The following SETMAR variants were observed in gnomAD, a reference collection of about 807,000 sequenced individuals.
SETMAR encodes histone-lysine N-methyltransferase SETMAR.
In SETMAR, 44 loss-of-function variants were observed where a neutral mutation model predicts 58.4. That is an observed-to-expected ratio of 0.75 (90% CI 0.59 to 0.97). The LOEUF (loss-of-function observed/expected upper bound fraction) is 0.97, where lower values mean the gene tolerates loss of function less well. Ranked by LOEUF, SETMAR falls within the 50% of genes least tolerant of loss-of-function variation. The pLI, the probability that SETMAR is intolerant of heterozygous loss-of-function variation, is 0.00. For missense variants in SETMAR, 903 were observed against 840.2 expected (o/e 1.07, Z -0.92); for synonymous variants, 332 against 307.4 (o/e 1.08, Z -0.84).
chr3:4,315,955 G>A (rs948033245), intron 2 of SETMAR, among the ~76,000 whole-genome samples: 4 of 149,322 alleles, frequency 2.7e-5, no homozygotes, highest in South Asian at 2.1e-4. Context: ...GCTGAGGTAC[G>A]AGAATCACTT....
rs758059201 is a variant in SETMAR, at chr3:4,312,958, C to A, written c.217C>A (p.Pro73Thr). The change falls in exon 2 of 3, where the codon CCC (proline) becomes ACC (threonine). Residue 73 changes from proline (P) to threonine (T), a missense_variant. By Grantham distance (38) the Pro-to-Thr change is conservative. Coordinates refer to ENST00000358065, the MANE Select transcript of SETMAR (RefSeq NM_006515.4). ...ADIDPTQITF[P>T]GCICVKTPCL... Reference sequence around the variant, plus strand: ...CATTGATCCCACTCAAATAACCTTTCCCGGATGCATTTGTGTCAAAACTCC... The same window carrying A: ...CATTGATCCCACTCAAATAACCTTTACCGGATGCATTTGTGTCAAAACTCC... The A allele has an allele frequency of 7.4e-6, 12 of 1,613,842 alleles. No homozygotes were observed. The African/African-American group carries it at 9.3e-5, about 13-fold the overall frequency.
At chr3:4,307,337 GA>G (rs1455979353) in intron 1 of SETMAR, among the ~76,000 whole-genome samples, 1 of 152,092 alleles carries the variant, frequency 6.6e-6, no homozygotes, top group Non-Finnish European at 1.5e-5. Flanking sequence ...CTATGGATAG[GA>G]ACCCCACCCC....
Position 4,310,219 on chromosome 3 carries a change from G to A in SETMAR, c.157-2679G>A, listed in dbSNP as rs1219807411. On this transcript the variant is annotated intron_variant, in intron 1 of 2. Transcript: ENST00000358065. ...TACTCGAAGTTTAACCGCGTGGCATGTAAATATTTGAATAGAATGTTAGGA... is the reference window on the plus strand; with the variant it reads ...TACTCGAAGTTTAACCGCGTGGCATATAAATATTTGAATAGAATGTTAGGA... 2.0e-5 allele frequency among the ~76,000 whole-genome samples: 3 copies of A among 152,266 alleles called. No individual in the cohort carries two copies. The East Asian group carries it at 5.8e-4, about 29-fold the overall frequency.
intron 1 of SETMAR, among the ~76,000 whole-genome samples, chr3:4,304,447 G>T (rs907938492): frequency 6.6e-6 from 1 of 152,182 alleles, no homozygotes; most frequent in Non-Finnish European, 1.5e-5. Context: ...AGCCTCTACT[G>T]ACTTTCTTAT....
At chr3:4,312,680 C>G (rs1449825096) in intron 1 of SETMAR, among the ~76,000 whole-genome samples, 1 of 138,334 alleles carries the variant, frequency 7.2e-6, no homozygotes. Context: ...CCAGCCTGTG[C>G]AACAGAGCAA....
At chr3:4,304,557 G>T in intron 1 of SETMAR, among the ~76,000 whole-genome samples, 1 of 152,294 alleles carries the variant, frequency 6.6e-6, no homozygotes, top group East Asian at 1.9e-4. Flanking sequence ...AGTATGGTTC[G>T]GAGCTTAGAC....
chr3:4,314,596 A>G (rs1698560713), intron 2 of SETMAR, among the ~76,000 whole-genome samples: 1 of 152,156 alleles, frequency 6.6e-6, no homozygotes, highest in African/African-American at 2.4e-5. Context: ...ACTTGGCTGT[A>G]CTCCAAATCT....
intron 1 of SETMAR, among the ~76,000 whole-genome samples, chr3:4,304,487 A>G (rs759514837): frequency 1.3e-5 from 2 of 152,190 alleles, no homozygotes; most frequent in African/African-American, 4.8e-5. Flanking sequence ...GCGTTACCCA[A>G]GGAATAAGGA....
chr3:4,314,164 A>G (rs2125102256), intron 2 of SETMAR: 1 of 223,856 alleles, frequency 4.5e-6, no homozygotes, highest in South Asian at 1.0e-4. Context: ...AAAATCAACA[A>G]GGTTAAAAGG....
intron 1 of SETMAR, among the ~76,000 whole-genome samples, chr3:4,306,292 T>A (rs1698187528): frequency 6.6e-6 from 1 of 152,220 alleles, no homozygotes; most frequent in Non-Finnish European, 1.5e-5. Flanking sequence ...TATTTAAAAA[T>A]AAATTATATA....
At chr3:4,310,430 A>G (rs1269556888) in intron 1 of SETMAR, among the ~76,000 whole-genome samples, 2 of 152,198 alleles carry the variant, frequency 1.3e-5, no homozygotes, top group Non-Finnish European at 2.9e-5. Context: ...TTTATGGAGG[A>G]GAAATGGAAA....
chr3:4,303,580 TCTC>T, intron 1 of SETMAR, 54 bp downstream of exon 1: 1 of 1,344,430 alleles, frequency 7.4e-7, no homozygotes. Context: ...CCCCACGTGG[TCTC>T]CTCAAGCCGC....
chr3:4,308,236 A>G (rs1254129195), intron 1 of SETMAR, among the ~76,000 whole-genome samples: 1 of 152,186 alleles, frequency 6.6e-6, no homozygotes, highest in Admixed American at 6.5e-5. Flanking sequence ...TTTGGTTTGA[A>G]TATGTTTGAA....
At chr3:4,309,800 G>T (rs1698332763) in intron 1 of SETMAR, among the ~76,000 whole-genome samples, 2 of 152,184 alleles carry the variant, frequency 1.3e-5, no homozygotes, top group South Asian at 2.1e-4. Flanking sequence ...CATATCAGCT[G>T]ACTCCCAGTT....
chr3:4,303,853 C>CA, intron 1 of SETMAR: 2 of 1,324,334 alleles, frequency 1.5e-6, no homozygotes, highest in Non-Finnish European at 2.0e-6. Context: ...TCCCTGGTCT[C>CA]AGGTGTCTCT....
At chr3:4,315,949 A>G (rs2125106939) in intron 2 of SETMAR, among the ~76,000 whole-genome samples, 1 of 149,406 alleles carries the variant, frequency 6.7e-6, no homozygotes. Flanking sequence ...CAGGAGGCTG[A>G]GGTACGAGAA....
At position 4,306,193 on chromosome 3, in the gene SETMAR, G is replaced by A. The variant is rs150039935; in HGVS notation, c.156+2667G>A. On this transcript the variant is annotated intron_variant, in intron 1 of 2. Coordinates refer to ENST00000358065, the MANE Select transcript of SETMAR (RefSeq NM_006515.4). ...TCTATAAATCTGTTTCCAATCTTGAGTCATATTTTTCTTTGCCATATCCAA... is the reference window on the plus strand; with the variant it reads ...TCTATAAATCTGTTTCCAATCTTGAATCATATTTTTCTTTGCCATATCCAA... Among the ~76,000 whole-genome samples, 51 of 152,200 alleles carry A rather than the reference G, an allele frequency of 3.4e-4. No homozygotes were observed. In the East Asian group the frequency reaches 9.4e-3, roughly 28 times the overall value.
intron 1 of SETMAR, among the ~76,000 whole-genome samples, chr3:4,310,199 G>A (rs1052370268): frequency 1.3e-5 from 2 of 152,140 alleles, no homozygotes; most frequent in African/African-American, 2.4e-5. Context: ...ATGACTACTC[G>A]AAGTTTAACC....
intron 2 of SETMAR, 47 bp downstream of exon 2, chr3:4,313,808 G>A (rs1362253459): frequency 6.2e-7 from 1 of 1,607,844 alleles, no homozygotes; most frequent in African/African-American, 1.3e-5. Context: ...TATAGTGGAA[G>A]ACAGTGGTTG....
Sources: allele counts gnomAD v4.1 joint callset (sites outside exome capture counted in the v4.1 genomes callset), GRCh38; gene constraint gnomAD v4.1.1; transcripts MANE v1.5; gene names NCBI Gene and HGNC (gene_info 2026-07-23, HGNC 2026-07-21).